FGD4: variants seen among roughly 807,000 people sequenced by gnomAD.
The protein encoded by FGD4 is FYVE, RhoGEF and PH domain containing 4, also known as FYVE, RhoGEF and PH domain-containing protein 4.
Under a neutral mutation model 102.0 loss-of-function variants are expected in FGD4, and 42 were observed. That is an observed-to-expected ratio of 0.41 (90% CI 0.32 to 0.53). The LOEUF (loss-of-function observed/expected upper bound fraction) is 0.53. Among genes scored for constraint, FGD4 ranks in the 20% least tolerant of loss-of-function variants. The probability of loss-of-function intolerance (pLI) is 0.21; values close to 1 mark genes in which losing one functional copy is unlikely to be tolerated. For synonymous variants in FGD4, 380 were observed against 375.7 expected (o/e 1.01, Z -0.13); for missense variants, 902 against 1,078.2 (o/e 0.84, Z 2.29).
At chr12:32,510,462 G>C (rs962768508) in intron 1 of FGD4, among the ~76,000 whole-genome samples, 2 of 151,976 alleles carry the variant, frequency 1.3e-5, no homozygotes, top group African/African-American at 4.8e-5. Flanking sequence ...GATCACTTTT[G>C]TTTTGTTCTT....
At chr12:32,415,107 A>G (rs926169498) in intron 1 of FGD4, among the ~76,000 whole-genome samples, 4 of 151,908 alleles carry the variant, frequency 2.6e-5, no homozygotes, top group African/African-American at 9.7e-5. Context: ...TCCTCTTGTT[A>G]TTTATTTGTA....
intron 1 of FGD4, among the ~76,000 whole-genome samples, chr12:32,449,623 G>A (rs562042667): frequency 2.0e-4 from 30 of 152,298 alleles, no homozygotes; most frequent in African/African-American, 7.2e-4. Context: ...TATTGATGCT[G>A]TTACTTTGAT....
In FGD4 at chr12:32,641,052, ATTG is replaced by A. The variant is rs1951133155; in HGVS notation, c.*523_*525del. The A allele has an allele frequency of 6.2e-6, 1 of 160,178 alleles. No individual in the cohort carries two copies. The highest frequency in any genetic ancestry group is 1.4e-5 in the Non-Finnish European group (1 of 72,836). The allele number at this position is 160,178 out of a possible 1,614,324, so 9.9% of individuals were successfully genotyped here. A position where few individuals can be genotyped will look rare whatever the true frequency, so the allele number is the denominator to read the frequency against. On this transcript the variant is annotated 3_prime_UTR_variant, in exon 17 of 17. Coordinates refer to ENST00000534526, the MANE Select transcript of FGD4 (RefSeq NM_001370298.3). ...TTTTAAAACAAAAGAAAAAGGACAA[ATTG>A]TTGGTGTTCAGATTTCCGATTTATA...
chr12:32,485,910 T>G, intron 1 of FGD4: 9 of 1,263,276 alleles, frequency 7.1e-6, no homozygotes, highest in Non-Finnish European at 9.0e-6. Context: ...GCTTGCGTAG[T>G]TCCTTGAGCC....
intron 1 of FGD4, among the ~76,000 whole-genome samples, chr12:32,537,157 C>T (rs909892030): frequency 6.6e-6 from 1 of 152,186 alleles, no homozygotes; most frequent in African/African-American, 2.4e-5. Context: ...ATCCGCCCAC[C>T]TCGGCCTCCC....
chr12:32,578,494 T>C (rs1007909478), intron 3 of FGD4, among the ~76,000 whole-genome samples: 3 of 152,146 alleles, frequency 2.0e-5, no homozygotes, highest in Admixed American at 2.0e-4. Flanking sequence ...CAACATCTGT[T>C]AGAGTGGAGT....
chr12:32,571,779 G>T lies in FGD4; in HGVS notation c.320-4487G>T, dbSNP rs1232829486. Among the ~76,000 whole-genome samples the T allele has an allele frequency of 3.3e-5, 5 of 152,098 alleles. No homozygotes were observed. In the South Asian group the frequency reaches 1.0e-3, roughly 31 times the overall value. On this transcript the variant is annotated intron_variant, in intron 2 of 16. Transcript: ENST00000534526. The stretch of plus-strand genomic sequence containing the variant: ...TTCTAGGTATGCGCCAAAGCCTGAA[G>T]GCCTGAAAAAACCTTACCAAGCTTA...
At chr12:32,513,185 G>A (rs1311310680) in intron 1 of FGD4, among the ~76,000 whole-genome samples, 2 of 152,146 alleles carry the variant, frequency 1.3e-5, no homozygotes, top group Admixed American at 6.5e-5. Context: ...TCAGAAATAC[G>A]TCACCTTGGA....
chr12:32,501,561 G>T (rs923002983), intron 1 of FGD4, among the ~76,000 whole-genome samples: 2 of 152,084 alleles, frequency 1.3e-5, no homozygotes, highest in African/African-American at 4.8e-5. Flanking sequence ...ATCCAGCACC[G>T]CCTCTCCCCA....
Position 32,645,506 on chromosome 12 carries a change from A to G in FGD4, c.*4973A>G, listed in dbSNP as rs1255491001. The G allele has an allele frequency of 6.6e-6, 1 of 152,092 alleles. No homozygotes were observed. Among genetic ancestry groups the G allele is most frequent in the African/African-American group, 2.4e-5 (1 of 41,380 alleles). 9.4% of individuals were successfully genotyped at this position (152,092 alleles called of 1,614,324 possible). On this transcript the variant is annotated 3_prime_UTR_variant, in exon 17 of 17. Transcript: ENST00000534526. ...AATAAAAATAAAACAAAATAAGTGT[A>G]TCTGGGCCAGGCACGGTAGCCCATG...
chr12:32,632,714 T>TTTATTTA lies in FGD4; in HGVS notation c.2173-833_2173-832insATTTATT, dbSNP rs1491125818. ...TTTTATTTATTTATTTATTTATTTA[T>TTTATTTA]TTTTTTTTTTTGAGACAGGGTCTTG... On this transcript the variant is annotated intron_variant, in intron 14 of 16. Transcript: ENST00000534526. 5.1e-3 allele frequency among the ~76,000 whole-genome samples: 425 copies of TTTATTTA among 83,314 alleles called. 3 individuals carry two copies. Among genetic ancestry groups the TTTATTTA allele is most frequent in the African/African-American group, 0.02 (375 of 18,788 alleles). 54.7% of individuals were successfully genotyped at this position (83,314 alleles called of 152,430 possible). A position where few individuals can be genotyped will look rare whatever the true frequency, so the allele number is the denominator to read the frequency against.
chr12:32,418,284 A>C (rs1487588193), intron 1 of FGD4, among the ~76,000 whole-genome samples: 1 of 151,992 alleles, frequency 6.6e-6, no homozygotes, highest in Non-Finnish European at 1.5e-5. Context: ...GGGCGAGGTC[A>C]TGTTTTCCTG....
At chr12:32,572,626 A>G (rs1279702577) in intron 2 of FGD4, among the ~76,000 whole-genome samples, 1 of 152,262 alleles carries the variant, frequency 6.6e-6, no homozygotes, top group African/African-American at 2.4e-5. Flanking sequence ...TACAATTTAT[A>G]ATCTTTTCCC....
intron 14 of FGD4, among the ~76,000 whole-genome samples, chr12:32,628,625 C>T (rs1200108869): frequency 6.6e-6 from 1 of 152,042 alleles, no homozygotes; most frequent in Non-Finnish European, 1.5e-5. Context: ...ACGGAGAAAT[C>T]CCGTCTCTAC....
Position 32,601,382 on chromosome 12 carries a change from T to G in FGD4, c.1206T>G (p.Ser402Arg). The G allele has an allele frequency of 6.2e-7, 1 of 1,614,118 alleles. No individual in the cohort carries two copies. Among genetic ancestry groups the G allele is most frequent in the Non-Finnish European group, 8.5e-7 (1 of 1,180,002 alleles). ...SNISSINAFH[S>R]KFLLPELEKR... ...TTTCATCAATAAATGCCTTCCATAG[T>G]AAATTCCTCTTGCCAGAGCTGGAGA... The change falls in exon 6 of 17, where the codon AGT becomes AGG. Residue 402 changes from serine to arginine, a missense_variant. Transcript: ENST00000534526.
At chr12:32,575,140 T>C (rs941470452) in intron 2 of FGD4, among the ~76,000 whole-genome samples, 3 of 152,234 alleles carry the variant, frequency 2.0e-5, no homozygotes, top group Non-Finnish European at 2.9e-5. Context: ...GAAGGACTTA[T>C]GAAGAAAGTA....
chr12:32,558,526 A>G (rs1944293495), intron 1 of FGD4, among the ~76,000 whole-genome samples: 1 of 152,218 alleles, frequency 6.6e-6, no homozygotes. Flanking sequence ...GGATTTTGCA[A>G]TGGATAGCCA....
rs2651369 is a variant in FGD4, at chr12:32,399,835, C to G, written c.42C>G (p.Ile14Met). ...EGGSNFRRVAIRRKSNPSYLP... is the reference protein window; with the variant it reads ...EGGSNFRRVAMRRKSNPSYLP... ...GCTCCAACTTCAGGCGGGTGGCGAT[C>G]CGGCGGAAGTCCAACCCCTCCTACC... Residue 14 changes from isoleucine to methionine, a missense_variant, in exon 1 of 17, where the codon ATC (isoleucine) becomes ATG (methionine). This residue lies in a region of FGD4 where 443 missense variants were observed against 459.2 expected (regional missense o/e 0.96). Coordinates refer to ENST00000534526, the MANE Select transcript of FGD4 (RefSeq NM_001370298.3). The G allele has an allele frequency of 0.36, 550,096 of 1,530,910 alleles. 104,664 individuals carry two copies. The highest frequency in any genetic ancestry group is 0.67 in the African/African-American group (48,123 of 72,162). The allele number at this position is 1,530,910 out of a possible 1,614,324, so 94.8% of individuals were successfully genotyped here. A position where few individuals can be genotyped will look rare whatever the true frequency, so the allele number is the denominator to read the frequency against.
chr12:32,466,022 C>G, intron 1 of FGD4, among the ~76,000 whole-genome samples: 1 of 152,134 alleles, frequency 6.6e-6, no homozygotes. Flanking sequence ...AAGCAATCCT[C>G]CCACCTCGGC....
Sources: allele counts gnomAD v4.1 joint callset (sites outside exome capture counted in the v4.1 genomes callset), GRCh38; gene constraint gnomAD v4.1.1; regional missense constraint gnomAD v4.1.1; transcripts MANE v1.5; gene names NCBI Gene and HGNC (gene_info 2026-07-23, HGNC 2026-07-21).